KCP: variants seen among roughly 807,000 people sequenced by gnomAD.
KCP encodes kielin/chordin-like protein.
KCP carries 194 observed loss-of-function variants against 212.7 expected under a neutral mutation model. That is an observed-to-expected ratio of 0.91 (90% CI 0.81 to 1.03). The LOEUF is 1.03. Ranked by LOEUF, KCP falls within the 50% of genes least tolerant of loss-of-function variation. The pLI, the probability that KCP is intolerant of heterozygous loss-of-function variation, is 0.00. For missense variants in KCP, 2,080 were observed against 2,162.5 expected, an observed-to-expected ratio of 0.96 and a Z score of 0.76; for synonymous variants, 833 against 865.3, an observed-to-expected ratio of 0.96 and a Z score of 0.65.
At chr7:128,882,362 G>A (rs1020474761) in intron 29 of KCP, among the ~76,000 whole-genome samples, 12 of 152,130 alleles carry the variant, frequency 7.9e-5, no homozygotes, top group Non-Finnish European at 1.0e-4. Flanking sequence ...CTACAACTGC[G>A]CAGGGAAGCA....
chr7:128,904,020 G>T, intron 6 of KCP, 36 bp downstream of exon 6: 1 of 1,524,100 alleles, frequency 6.6e-7, no homozygotes, highest in Non-Finnish European at 8.9e-7. Flanking sequence ...GTCCAGGGAG[G>T]TGCAGGGCCT....
At chr7:128,889,678 C>G (rs1467833913) in intron 21 of KCP, among the ~76,000 whole-genome samples, 1 of 152,176 alleles carries the variant, frequency 6.6e-6, no homozygotes, top group Non-Finnish European at 1.5e-5. Flanking sequence ...AAACTCCTTT[C>G]TAAATCAAAT....
chr7:128,892,074 T>C (rs546046177), intron 16 of KCP, among the ~76,000 whole-genome samples: 8 of 152,224 alleles, frequency 5.3e-5, no homozygotes, highest in African/African-American at 1.7e-4. Flanking sequence ...TACACATGTG[T>C]GTACCTGTGT....
chr7:128,885,755 C>T lies in KCP; in HGVS notation c.2867-485G>A, dbSNP rs73721648. On this transcript the variant is annotated intron_variant, in intron 26 of 39. Transcript: ENST00000610776. ...GTTCTGTAGAAACACCACCACACTG[C>T]GCAGGGTGTGGGACGAGGGGGCAGT... 2.2e-4 allele frequency among the ~76,000 whole-genome samples: 33 copies of T among 152,212 alleles called. No homozygotes were observed. The East Asian group carries it at 2.7e-3, about 12-fold the overall frequency.
Position 128,894,201 on chromosome 7 carries a change from A to G in KCP, c.924T>C (p.Asp308=). The G allele has an allele frequency of 6.5e-7, 1 of 1,527,602 alleles. No homozygotes were observed. Among genetic ancestry groups the G allele is most frequent in the Non-Finnish European group, 8.8e-7 (1 of 1,132,010 alleles). 94.6% of individuals were successfully genotyped at this position (1,527,602 alleles called of 1,614,324 possible). ...CCTCTGCCCTACCCACTGACTCACCATCACACACAGGGCAGCAGGTGCCTG... is the reference window on the plus strand; with the variant it reads ...CCTCTGCCCTACCCACTGACTCACCGTCACACACAGGGCAGCAGGTGCCTG... The part of the protein sequence containing the change: ...PLPGTCCPVC[D]GCFLNGREHR... Residue 308 remains aspartate (D), a splice_region_variant and synonymous_variant, in exon 9 of 40, where the codon GAT becomes GAC. Coordinates refer to ENST00000610776, the MANE Select transcript of KCP (RefSeq NM_001366122.1).
Position 128,891,509 on chromosome 7 carries a change from T to G in KCP, c.1820A>C (p.Tyr607Ser). ...CSGCAFGGKE[Y>S]PSGADFPHPS... ...GTGGGGGAAGTCCGCTCCGCTGGGG[T>G]ACTCTTTCCCGCCAAAGGCACAGCC... The change falls in exon 18 of 40, where the codon TAC becomes TCC. Residue 607 changes from tyrosine (Y) to serine (S), a missense_variant. Physicochemically the swap from Tyr to Ser is moderately radical, Grantham distance 144. Transcript: ENST00000610776. 1 of 1,549,544 alleles carries G rather than the reference T, an allele frequency of 6.5e-7. No homozygotes were observed.
intron 1 of KCP, among the ~76,000 whole-genome samples, chr7:128,908,955 G>C (rs1281000491): frequency 7.1e-6 from 1 of 141,522 alleles, no homozygotes. Context: ...GGGGTTCCTG[G>C]GGGCTCCCAC....
chr7:128,891,519 C>A lies in KCP; in HGVS notation c.1810G>T (p.Gly604Trp). 1 of 1,549,764 alleles carries A rather than the reference C, an allele frequency of 6.5e-7. No individual in the cohort carries two copies. ...TCCGCTCCGCTGGGGTACTCTTTCC[C>A]GCCAAAGGCACAGCCTGGGGGAGGG... ...PNDCSGCAFG[G>W]KEYPSGADFP... Residue 604 changes from glycine to tryptophan, a missense_variant, in exon 18 of 40, where the codon GGG (glycine) becomes TGG (tryptophan). Transcript: ENST00000610776.
chr7:128,900,245 T>C (rs1794771801), intron 8 of KCP, among the ~76,000 whole-genome samples: 1 of 152,346 alleles, frequency 6.6e-6, no homozygotes, highest in Non-Finnish European at 1.5e-5. Flanking sequence ...TAGTCTTTAG[T>C]AAAAATGGGA....
Position 128,892,614 on chromosome 7 carries a change from G to A in KCP, c.1528-7C>T. On this transcript the variant is annotated splice_region_variant and splice_polypyrimidine_tract_variant and intron_variant, in intron 15 of 39. Transcript: ENST00000610776. Reference sequence around the variant, plus strand: ...AGCATGTCACAGTTCCATCCTGCGAGAGAGCAGGGGAGAGAGCAATCGGGG... The same window carrying A: ...AGCATGTCACAGTTCCATCCTGCGAAAGAGCAGGGGAGAGAGCAATCGGGG... 1 of 1,550,830 alleles carries A rather than the reference G, an allele frequency of 6.4e-7. No homozygotes were observed. The highest frequency in any genetic ancestry group is 8.7e-7 in the Non-Finnish European group (1 of 1,146,242).
At chr7:128,909,158 G>A (rs769828453) in intron 1 of KCP, among the ~76,000 whole-genome samples, 8 of 152,198 alleles carry the variant, frequency 5.3e-5, no homozygotes, top group Non-Finnish European at 1.0e-4. Context: ...GGTTAGGGGC[G>A]GCCACTTTCA....
rs1793727200 is a variant in KCP at position 128,887,429 on chromosome 7, A to T, written c.2513-129T>A. The T allele has an allele frequency of 2.9e-5, 21 of 722,176 alleles. No homozygotes were observed. The South Asian group carries it at 3.3e-4, about 11-fold the overall frequency. 44.7% of individuals were successfully genotyped at this position (722,176 alleles called of 1,614,324 possible). On this transcript the variant is annotated intron_variant, in intron 22 of 39. Coordinates refer to ENST00000610776, the MANE Select transcript of KCP (RefSeq NM_001366122.1). Reference sequence around the variant, plus strand: ...CAGACACACACATAGCCACACACACACATACCCATATACACAGCCACACCC... The same window carrying T: ...CAGACACACACATAGCCACACACACTCATACCCATATACACAGCCACACCC...
Position 128,899,480 on chromosome 7 carries a change from T to C in KCP, c.831+3297A>G, listed in dbSNP as rs769945067. ...CAGAACTCAGAGAGCTGAGCTGAAATGTTCATGAGTATCAAACAGAAGTTA... is the reference window on the plus strand; with the variant it reads ...CAGAACTCAGAGAGCTGAGCTGAAACGTTCATGAGTATCAAACAGAAGTTA... On this transcript the variant is annotated intron_variant, in intron 8 of 39. Coordinates refer to ENST00000610776, the MANE Select transcript of KCP (RefSeq NM_001366122.1). Among the ~76,000 whole-genome samples, 6 of 152,332 alleles carry C rather than the reference T, an allele frequency of 3.9e-5. No individual in the cohort carries two copies. The South Asian group carries it at 6.2e-4, about 16-fold the overall frequency.
chr7:128,880,849 G>A (rs1211719686), intron 32 of KCP, 128 bp from the exon 33 acceptor site: 9 of 400,152 alleles, frequency 2.2e-5, no homozygotes, highest in Non-Finnish European at 4.0e-5. Flanking sequence ...AGTTCAAGAG[G>A]GGAATGAAAT....
Position 128,880,534 on chromosome 7 carries a change from G to A in KCP, c.3617-6C>T, listed in dbSNP as rs1322001325. ...CACGCAGGACTGGGTGGGAGCTGAA[G>A]GGATAGGAGCTGGGAGGGTCAGCTG... On this transcript the variant is annotated splice_region_variant and splice_polypyrimidine_tract_variant and intron_variant, in intron 33 of 39. Coordinates refer to ENST00000610776, the MANE Select transcript of KCP (RefSeq NM_001366122.1). 9.5e-6 allele frequency: 14 copies of A among 1,470,440 alleles called. No homozygotes were observed. The East Asian group carries it at 2.8e-4, about 30-fold the overall frequency. 91.1% of individuals were successfully genotyped at this position (1,470,440 alleles called of 1,614,324 possible).
At position 128,877,630 on chromosome 7, in the gene KCP, G is replaced by C. The variant is rs1436844948; in HGVS notation, c.4472C>G (p.Pro1491Arg). Residue 1491 changes from proline to arginine, a missense_variant, in exon 39 of 40, where the codon CCC (proline) becomes CGC (arginine). Physicochemically the swap from Pro to Arg is moderately radical, Grantham distance 103. Coordinates refer to ENST00000610776, the MANE Select transcript of KCP (RefSeq NM_001366122.1). ...GTCATACACACAGGCGGCAAAGAAGGGCTCCGGTGGCACCACAGCATGGCA... is the reference window on the plus strand; with the variant it reads ...GTCATACACACAGGCGGCAAAGAAGCGCTCCGGTGGCACCACAGCATGGCA... ...SRCHAVVPPE[P>R]FFAACVYDLC... 5.8e-6 allele frequency: 9 copies of C among 1,551,542 alleles called. No homozygotes were observed. The Admixed American group carries it at 1.2e-4, about 20-fold the overall frequency.
At chr7:128,889,434 A>C (rs1793947410) in intron 21 of KCP, among the ~76,000 whole-genome samples, 4 of 152,158 alleles carry the variant, frequency 2.6e-5, no homozygotes, top group Admixed American at 6.5e-5. Flanking sequence ...CGCTCTTCCG[A>C]GCCCACTGAT....
At chr7:128,905,468 G>A (rs1472290222) in intron 5 of KCP, among the ~76,000 whole-genome samples, 2 of 151,956 alleles carry the variant, frequency 1.3e-5, no homozygotes, top group African/African-American at 2.4e-5. Flanking sequence ...TCCCAAGCTC[G>A]GCCTCCACTA....
chr7:128,881,905 G>A (rs760220619), intron 30 of KCP, 32 bp downstream of exon 30: 2 of 1,536,398 alleles, frequency 1.3e-6, no homozygotes, highest in South Asian at 2.4e-5. Flanking sequence ...AAGAAGAGGG[G>A]CTCTGTGAGT....
Sources: gnomAD v4.1 joint callset for allele counts (sites outside exome capture counted in the v4.1 genomes callset) on GRCh38, gnomAD v4.1.1 for gene constraint, MANE v1.5 for transcripts, NCBI Gene and HGNC (gene_info 2026-07-23, HGNC 2026-07-21) for gene names.